SGCD: variants seen among roughly 807,000 people sequenced by gnomAD.
The protein encoded by SGCD is sarcoglycan delta.
A neutral mutation model predicts 36.6 loss-of-function variants in SGCD; 18 were observed. The ratio of observed to expected loss-of-function variants is 0.49; its 90% CI spans 0.34 to 0.73. The LOEUF is 0.73. Ranked by LOEUF, SGCD falls within the 30% of genes least tolerant of loss-of-function variation. The pLI, the probability that SGCD is intolerant of heterozygous loss-of-function variation, is 0.01. For missense variants in SGCD, 387 were observed against 346.7 expected (o/e 1.12, Z -0.92); for synonymous variants, 133 against 130.6 (o/e 1.02, Z -0.12).
chr5:156,679,975 G>A (rs1242816392), intron 7 of SGCD, among the ~76,000 whole-genome samples: 2 of 152,116 alleles, frequency 1.3e-5, no homozygotes, highest in Admixed American at 6.5e-5. Flanking sequence ...AAATTCTGGG[G>A]CAAGCAATCA....
At chr5:155,809,394 G>A in the SGCD span, among the ~76,000 whole-genome samples, 5 of 152,176 alleles carry the variant, frequency 3.3e-5, no homozygotes, top group Admixed American at 6.5e-5. Context: ...GATGACCAAC[G>A]TTGTGGGTTA....
intron 1 of SGCD, among the ~76,000 whole-genome samples, chr5:156,114,332 T>C (rs1761860053): frequency 1.3e-5 from 2 of 152,080 alleles, no homozygotes; most frequent in Admixed American, 1.3e-4. Context: ...GTAATCTATA[T>C]ATAAAGACGT....
At chr5:156,511,215 G>C (rs1581098759) in intron 4 of SGCD, among the ~76,000 whole-genome samples, 2 of 152,048 alleles carry the variant, frequency 1.3e-5, no homozygotes, top group Non-Finnish European at 2.9e-5. Flanking sequence ...AACAACAAAA[G>C]AAGTATCTTC....
intron 7 of SGCD, among the ~76,000 whole-genome samples, chr5:156,718,948 T>C (rs887720210): frequency 1.3e-5 from 2 of 152,120 alleles, no homozygotes; most frequent in Non-Finnish European, 2.9e-5. Context: ...TTGCTCTACC[T>C]GTAATACTCT....
rs553348735 is a variant in SGCD at position 156,523,987 on chromosome 5, G to T, written c.294+15285G>T. Among the ~76,000 whole-genome samples, 10 of 147,790 alleles carry T rather than the reference G, an allele frequency of 6.8e-5. No homozygotes were observed. In the South Asian group the frequency reaches 2.1e-3, roughly 32 times the overall value. On this transcript the variant is annotated intron_variant, in intron 4 of 8. Coordinates refer to ENST00000337851, the MANE Select transcript of SGCD (RefSeq NM_000337.6). ...CTTGAGAAACATTGTTTTGTCCAGA[G>T]TCATTTTGTTATAACATTGGTGAAA...
intron 1 of SGCD, among the ~76,000 whole-genome samples, chr5:155,954,563 CTTTT>C (rs199889260): frequency 7.6e-6 from 1 of 130,758 alleles, no homozygotes; most frequent in Admixed American, 7.6e-5. Flanking sequence ...TTATGGGGTT[CTTTT>C]TTTTTTTTTT....
the SGCD span, among the ~76,000 whole-genome samples, chr5:155,844,431 G>A: frequency 1.3e-5 from 2 of 151,504 alleles, no homozygotes; most frequent in Non-Finnish European, 2.9e-5. Flanking sequence ...TTGTGTGTGT[G>A]TGTGTGTGTG....
intron 3 of SGCD, among the ~76,000 whole-genome samples, chr5:156,295,502 G>T (rs555146144): frequency 5.1e-4 from 78 of 151,698 alleles, no homozygotes; most frequent in African/African-American, 1.9e-3. Flanking sequence ...GCTATCATTG[G>T]GTTTCCTTTA....
intron 3 of SGCD, among the ~76,000 whole-genome samples, chr5:156,188,724 A>G (rs1763823163): frequency 6.7e-6 from 1 of 148,974 alleles, no homozygotes; most frequent in Admixed American, 6.7e-5. Context: ...ATGAAGTTGA[A>G]GTTCCTTTAT....
chr5:156,423,474 A>G (rs1255088072), intron 3 of SGCD, among the ~76,000 whole-genome samples: 2 of 111,676 alleles, frequency 1.8e-5, no homozygotes, highest in African/African-American at 6.0e-5. Flanking sequence ...TTAAATAATA[A>G]TTAATTAATA....
At chr5:156,151,532 A>G (rs1370911213) in intron 3 of SGCD, among the ~76,000 whole-genome samples, 2 of 151,626 alleles carry the variant, frequency 1.3e-5, no homozygotes, top group African/African-American at 2.4e-5. Context: ...AGATGAAAGT[A>G]TCTCCAAATG....
intron 3 of SGCD, among the ~76,000 whole-genome samples, chr5:156,367,808 A>G (rs1192879540): frequency 6.6e-6 from 1 of 152,144 alleles, no homozygotes; most frequent in South Asian, 2.1e-4. Flanking sequence ...GTTGTAAGCT[A>G]GGTGGTTGTT....
chr5:156,684,190 T>C (rs1276172866), intron 7 of SGCD, among the ~76,000 whole-genome samples: 3 of 152,172 alleles, frequency 2.0e-5, no homozygotes, highest in Non-Finnish European at 4.4e-5. Context: ...TGCTCTGTGG[T>C]CTACACTAGA....
chr5:156,019,410 G>C (rs913089136), intron 1 of SGCD, among the ~76,000 whole-genome samples: 5 of 151,924 alleles, frequency 3.3e-5, no homozygotes, highest in African/African-American at 1.2e-4. Flanking sequence ...GAAAAAAAAA[G>C]CCTTTCATTT....
At chr5:155,783,158 G>A in the SGCD span, among the ~76,000 whole-genome samples, 1 of 152,122 alleles carries the variant, frequency 6.6e-6, no homozygotes, top group Non-Finnish European at 1.5e-5. Context: ...CACAATAAAT[G>A]TAAATCATGC....
chr5:156,275,544 C>T lies in SGCD; in HGVS notation c.-43-53990C>T, dbSNP rs1355973896. 3.9e-5 allele frequency among the ~76,000 whole-genome samples: 6 copies of T among 152,074 alleles called. No individual in the cohort carries two copies. The East Asian group carries it at 5.8e-4, about 15-fold the overall frequency. ...CTGCTGGAATACCTCTTGCATGTTA[C>T]GATGCATTAATGAGTGGCAGTCTTC... On this transcript the variant is annotated intron_variant, in intron 3 of 9. Transcript: ENST00000517913.
At chr5:155,988,876 T>C (rs1321415399) in intron 1 of SGCD, among the ~76,000 whole-genome samples, 1 of 152,226 alleles carries the variant, frequency 6.6e-6, no homozygotes, top group Non-Finnish European at 1.5e-5. Flanking sequence ...TAGCTGTTGC[T>C]TTTATTATAA....
intron 3 of SGCD, among the ~76,000 whole-genome samples, chr5:156,220,440 T>C (rs559113370): frequency 6.6e-6 from 1 of 152,276 alleles, no homozygotes; most frequent in African/African-American, 2.4e-5. Flanking sequence ...TCTTCAGGTA[T>C]AGGCATGAAA....
chr5:156,749,300 G>A (rs183179418), intron 7 of SGCD, among the ~76,000 whole-genome samples: 149 of 152,088 alleles, frequency 9.8e-4, no homozygotes, highest in Middle Eastern at 3.4e-3. Context: ...TTGGGATGCC[G>A]TCAAAGAAAA....
Sources: allele counts gnomAD v4.1 joint callset (sites outside exome capture counted in the v4.1 genomes callset), GRCh38; gene constraint gnomAD v4.1.1; transcripts MANE v1.5; gene names NCBI Gene and HGNC (gene_info 2026-07-23, HGNC 2026-07-21).